The following LMBRD1 variants were observed in gnomAD, a reference collection of about 807,000 sequenced individuals.
The protein encoded by LMBRD1 is lysosomal cobalamin transport escort protein LMBD1.
In LMBRD1, 64 loss-of-function variants were observed where a neutral mutation model predicts 74.8. The ratio of observed to expected loss-of-function variants is 0.86; its 90% CI spans 0.70 to 1.05. The LOEUF is 1.05. Among genes scored for constraint, LMBRD1 ranks in the 50% least tolerant of loss-of-function variants. The pLI, the probability that LMBRD1 is intolerant of heterozygous loss-of-function variation, is 0.00. For synonymous variants in LMBRD1, 204 were observed against 216.3 expected (o/e 0.94, Z 0.50); for missense variants, 652 against 645.9 (o/e 1.01, Z -0.10).
chr6:69,701,275 T>C (rs1766123885), intron 11 of LMBRD1, among the ~76,000 whole-genome samples, 168 bp downstream of exon 11: 4 of 151,794 alleles, frequency 2.6e-5, no homozygotes, highest in Admixed American at 2.6e-4. Flanking sequence ...GTGTGTAAAT[T>C]ACAGGCAAAT....
At chr6:69,706,199 T>G in intron 9 of LMBRD1, 1 of 434,326 alleles carries the variant, frequency 2.3e-6, no homozygotes, top group South Asian at 2.1e-5. Context: ...AGAAGGCAGA[T>G]GGAGATAAAC....
At chr6:69,680,769 A>C (rs1765642799) in intron 14 of LMBRD1, among the ~76,000 whole-genome samples, 7 of 152,106 alleles carry the variant, frequency 4.6e-5, no homozygotes, top group Admixed American at 4.6e-4. Flanking sequence ...GGATATACCC[A>C]TATAAAAATT....
At chr6:69,726,908 C>A (rs1766749103) in intron 7 of LMBRD1, among the ~76,000 whole-genome samples, 1 of 152,130 alleles carries the variant, frequency 6.6e-6, no homozygotes, top group Non-Finnish European at 1.5e-5. Context: ...AATCCCAACA[C>A]TTTGGGAGGC....
intron 7 of LMBRD1, among the ~76,000 whole-genome samples, chr6:69,733,606 A>C (rs1766910069): frequency 6.6e-6 from 1 of 152,244 alleles, no homozygotes; most frequent in Non-Finnish European, 1.5e-5. Flanking sequence ...ACAGGGTATC[A>C]TCTACCTTCC....
chr6:69,701,235 T>C (rs766762873), intron 11 of LMBRD1, among the ~76,000 whole-genome samples: 1 of 151,816 alleles, frequency 6.6e-6, no homozygotes, highest in Admixed American at 6.6e-5. Context: ...TCCAGGAATA[T>C]ATCAATATGA....
intron 9 of LMBRD1, among the ~76,000 whole-genome samples, chr6:69,704,006 GCTT>G (rs1766193084): frequency 6.6e-6 from 1 of 151,972 alleles, no homozygotes; most frequent in Non-Finnish European, 1.5e-5. Flanking sequence ...TTTAGATTAT[GCTT>G]TTTTCCAGAA....
At chr6:69,691,556 G>A (rs925021973) in intron 14 of LMBRD1, among the ~76,000 whole-genome samples, 2 of 152,040 alleles carry the variant, frequency 1.3e-5, no homozygotes, top group Admixed American at 6.6e-5. Context: ...GTGAAAATAA[G>A]TCAATGTGCT....
At chr6:69,744,474 A>T (rs1767174880) in intron 5 of LMBRD1, among the ~76,000 whole-genome samples, 1 of 152,236 alleles carries the variant, frequency 6.6e-6, no homozygotes, top group East Asian at 1.9e-4. Flanking sequence ...TAACAAAACT[A>T]AAAAACTGCT....
intron 3 of LMBRD1, among the ~76,000 whole-genome samples, chr6:69,769,587 A>G (rs1765536700): frequency 6.6e-6 from 1 of 152,024 alleles, no homozygotes; most frequent in Non-Finnish European, 1.5e-5. Flanking sequence ...ATGTTAGACA[A>G]TATGTTGTAG....
intron 3 of LMBRD1, among the ~76,000 whole-genome samples, chr6:69,777,272 T>C (rs1349971341): frequency 1.3e-5 from 2 of 151,858 alleles, no homozygotes; most frequent in Non-Finnish European, 2.9e-5. Context: ...GCCAACATGG[T>C]GAAACTTTGT....
At chr6:69,706,827 A>C (rs1766269818) in intron 9 of LMBRD1, among the ~76,000 whole-genome samples, 1 of 152,140 alleles carries the variant, frequency 6.6e-6, no homozygotes, top group East Asian at 1.9e-4. Context: ...TTCATATTTA[A>C]AAGTGTGTAA....
chr6:69,713,854 A>C, intron 8 of LMBRD1, 57 bp from the exon 9 acceptor site: 1 of 1,577,996 alleles, frequency 6.3e-7, no homozygotes, highest in Non-Finnish European at 8.7e-7. Context: ...TAAAGTACCC[A>C]GCAGATTTAG....
chr6:69,724,739 T>C (rs1478479670), intron 7 of LMBRD1, among the ~76,000 whole-genome samples: 1 of 151,688 alleles, frequency 6.6e-6, no homozygotes, highest in Non-Finnish European at 1.5e-5. Flanking sequence ...AAAAGCCATA[T>C]ATGTGAGGTC....
rs759703455 is a variant in LMBRD1, at chr6:69,741,806, T to C, written c.545A>G (p.Glu182Gly). 4.4e-6 allele frequency: 7 copies of C among 1,596,130 alleles called. No homozygotes were observed. In the East Asian group the frequency reaches 1.3e-4, roughly 31 times the overall value. Residue 182 changes from glutamate to glycine, a missense_variant, in exon 6 of 16, where the codon GAA becomes GGA. Around this residue, in one of 3 missense-constraint regions of LMBRD1, gnomAD observed 598 missense variants for 581.8 expected, o/e 1.03. Transcript: ENST00000649934. ...ATACTTACGACTACTTCCAAGTTCT[T>C]CAAATAGGGACTTCACTTTTTCCCA... ...TEWEKVKSLFEELGSSHGLAA... is the reference protein window; with the variant it reads ...TEWEKVKSLFGELGSSHGLAA...
chr6:69,699,141 A>T lies in LMBRD1; in HGVS notation c.1240T>A (p.Cys414Ser), dbSNP rs1303313473. ...RTRPQALLFLCMILLLIVLHT... is the reference protein window; with the variant it reads ...RTRPQALLFLSMILLLIVLHT... ...AGGACAATAAGCAGAAGTATCATGC[A>T]GAGAAAAAGGAGTGCTTGGGGCCTG... Residue 414 changes from cysteine (C) to serine (S), a missense_variant, in exon 13 of 16, where the codon TGC (cysteine) becomes AGC (serine). Cys to Ser is a moderately radical substitution (Grantham distance 112). Around this residue, in one of 3 missense-constraint regions of LMBRD1, gnomAD observed 598 missense variants for 581.8 expected, o/e 1.03. Coordinates refer to ENST00000649934, the MANE Select transcript of LMBRD1 (RefSeq NM_018368.4). 1.9e-6 allele frequency: 3 copies of T among 1,611,058 alleles called. No homozygotes were observed. Among genetic ancestry groups the T allele is most frequent in the Non-Finnish European group, 2.5e-6 (3 of 1,177,534 alleles).
chr6:69,791,892 G>T (rs1766096482), intron 1 of LMBRD1, among the ~76,000 whole-genome samples: 1 of 152,084 alleles, frequency 6.6e-6, no homozygotes, highest in Non-Finnish European at 1.5e-5. Flanking sequence ...GAAAAACCAG[G>T]GTGTGGACCA....
At chr6:69,711,334 G>C (rs773850555) in intron 9 of LMBRD1, among the ~76,000 whole-genome samples, 28 of 152,172 alleles carry the variant, frequency 1.8e-4, no homozygotes, top group Non-Finnish European at 3.2e-4. Context: ...GGGAGCAAGA[G>C]AGGGCATGAG....
chr6:69,748,813 G>T (rs568862791), intron 5 of LMBRD1, among the ~76,000 whole-genome samples: 1 of 151,930 alleles, frequency 6.6e-6, no homozygotes, highest in Non-Finnish European at 1.5e-5. Context: ...TTAAGAAAGG[G>T]AATTCATTGA....
intron 7 of LMBRD1, among the ~76,000 whole-genome samples, chr6:69,733,828 CT>C (rs755003435): frequency 6.6e-6 from 1 of 152,160 alleles, no homozygotes; most frequent in Non-Finnish European, 1.5e-5. Flanking sequence ...GATACAACTG[CT>C]TTTTGCATTT....
Sources: allele counts gnomAD v4.1 joint callset (sites outside exome capture counted in the v4.1 genomes callset), GRCh38; gene constraint gnomAD v4.1.1; regional missense constraint gnomAD v4.1.1; transcripts MANE v1.5; gene names NCBI Gene and HGNC (gene_info 2026-07-23, HGNC 2026-07-21).